The following TTLL4 variants were observed in gnomAD, a reference collection of about 807,000 sequenced individuals.
The protein encoded by TTLL4 is tubulin monoglutamylase TTLL4.
TTLL4 carries 85 observed loss-of-function variants against 122.7 expected under a neutral mutation model. The observed-to-expected ratio is 0.69, with a 90% CI of 0.58 to 0.83. TTLL4 has a LOEUF of 0.83. TTLL4 is among the 40% of genes least tolerant of loss of function. The pLI is 0.00. For synonymous variants in TTLL4, 553 were observed against 563.0 expected (o/e 0.98, Z 0.25); for missense variants, 1,363 against 1,488.6 (o/e 0.92, Z 1.39).
intron 2 of TTLL4, among the ~76,000 whole-genome samples, chr2:218,730,309 TCCAAAAAAAAAAAAAAAAAAAAAAAAAA>T (rs1297078462): frequency 1.3e-4 from 10 of 76,510 alleles, no homozygotes; most frequent in Non-Finnish European, 2.3e-4. Flanking sequence ...TTACTAAAAA[TCCAAAAAAAAAAAAAAAAAAAAAAAAAA>T]AAAAAAAAAA....
chr2:218,742,150 G>A (rs958548136), intron 5 of TTLL4, among the ~76,000 whole-genome samples: 7 of 152,036 alleles, frequency 4.6e-5, no homozygotes, highest in African/African-American at 1.7e-4. Flanking sequence ...TTTTTGTAGA[G>A]TTGTGGGGGA....
At chr2:218,744,625 CTG>C in intron 5 of TTLL4, among the ~76,000 whole-genome samples, 1 of 152,290 alleles carries the variant, frequency 6.6e-6, no homozygotes, top group African/African-American at 2.4e-5. Flanking sequence ...GGAAGTATCA[CTG>C]TTTCTTTTCT....
chr2:218,720,017 T>G (rs1941986582), intron 1 of TTLL4, among the ~76,000 whole-genome samples: 1 of 152,036 alleles, frequency 6.6e-6, no homozygotes, highest in African/African-American at 2.4e-5. Context: ...GGAAATAAAG[T>G]AAAGGAAAAA....
intron 1 of TTLL4, among the ~76,000 whole-genome samples, chr2:218,712,629 C>T (rs2106379923): frequency 6.6e-6 from 1 of 152,222 alleles, no homozygotes; most frequent in East Asian, 1.9e-4. Flanking sequence ...CCTCGTGATT[C>T]ACCCGCCTCG....
Position 218,751,746 on chromosome 2 carries a change from G to T in TTLL4, c.2916G>T (p.Glu972Asp). ...GGGACAAATGTCGAATGGCTCCAGA[G>T]CATGTCACTGCACAGAAGATGAAGA... ...SPGDKCRMAP[E>D]HVTAQKMKKA... Residue 972 changes from glutamate to aspartate, a missense_variant, in exon 16 of 20, where the codon GAG becomes GAT. By Grantham distance (45) the Glu-to-Asp change is conservative. Coordinates refer to ENST00000392102, the MANE Select transcript of TTLL4 (RefSeq NM_014640.5). 1 of 1,613,746 alleles carries T rather than the reference G, an allele frequency of 6.2e-7. No homozygotes were observed. Among genetic ancestry groups the T allele is most frequent in the Non-Finnish European group, 8.5e-7 (1 of 1,179,760 alleles).
intron 1 of TTLL4, among the ~76,000 whole-genome samples, chr2:218,716,357 A>G (rs556729444): frequency 6.6e-6 from 1 of 152,362 alleles, no homozygotes; most frequent in South Asian, 2.1e-4. Context: ...CCTGCAATTC[A>G]GACAATCACA....
At chr2:218,717,609 C>T (rs1427934826) in intron 1 of TTLL4, among the ~76,000 whole-genome samples, 4 of 152,178 alleles carry the variant, frequency 2.6e-5, no homozygotes, top group Admixed American at 1.3e-4. Flanking sequence ...CTAATCTTGA[C>T]TTATACGGAC....
At chr2:218,721,034 T>TCCCGGTAA (rs1436131035) in intron 1 of TTLL4, among the ~76,000 whole-genome samples, 2 of 152,206 alleles carry the variant, frequency 1.3e-5, no homozygotes, top group Non-Finnish European at 2.9e-5. Context: ...TACCTGGCAC[T>TCCCGGTAA]CCCGGTAACA....
At chr2:218,742,652 G>T (rs1474385938) in intron 5 of TTLL4, among the ~76,000 whole-genome samples, 1 of 152,088 alleles carries the variant, frequency 6.6e-6, no homozygotes, top group African/African-American at 2.4e-5. Flanking sequence ...AGGGTTTTTT[G>T]TTTGTTTTTT....
chr2:218,722,930 C>A (rs192089303), intron 1 of TTLL4, among the ~76,000 whole-genome samples: 15 of 152,308 alleles, frequency 9.8e-5, no homozygotes, highest in African/African-American at 2.9e-4. Context: ...ACAGGCATGT[C>A]GGGAGTTTCT....
In TTLL4 at chr2:218,747,847, A is replaced by G; in HGVS notation, c.2378+122A>G. 7.2e-7 allele frequency: 1 copy of G among 1,398,150 alleles called. No individual in the cohort carries two copies. Among genetic ancestry groups the G allele is most frequent in the Non-Finnish European group, 9.8e-7 (1 of 1,023,424 alleles). The allele number at this position is 1,398,150 out of a possible 1,614,324, so 86.6% of individuals were successfully genotyped here. On this transcript the variant is annotated intron_variant, in intron 11 of 19. Coordinates refer to ENST00000392102, the MANE Select transcript of TTLL4 (RefSeq NM_014640.5). The surrounding 1 kb of genome is among the most constrained non-coding windows in gnomAD (Gnocchi z 4.7). The stretch of plus-strand genomic sequence containing the variant: ...TTGTTAGCAAGGGGAAAGGCAGGAA[A>G]TGGGAAATATGGAGGCTCTCTACTT...
intron 5 of TTLL4, 35 bp from the exon 6 acceptor site, chr2:218,745,074 C>G (rs1244767907): frequency 1.2e-6 from 2 of 1,609,914 alleles, no homozygotes; most frequent in Non-Finnish European, 8.5e-7. Context: ...GTTGCTTTTT[C>G]CCTTTCTCTA....
In TTLL4 at chr2:218,746,180, G is replaced by T. The variant is rs770916214; in HGVS notation, c.1923G>T (p.Trp641Cys). ...SKRNDDWLGC[W>C]GHHMKSPSFR... ...GAAACGATGACTGGCTGGGCTGCTGGGGTCACCACATGAAGTCTCCTAGTT... is the reference window on the plus strand; with the variant it reads ...GAAACGATGACTGGCTGGGCTGCTGTGGTCACCACATGAAGTCTCCTAGTT... Residue 641 changes from tryptophan (W) to cysteine (C), a missense_variant, in exon 8 of 20, where the codon TGG (tryptophan) becomes TGT (cysteine). This residue lies in a region of TTLL4 where 760 missense variants were observed against 808.4 expected (regional missense o/e 0.94). Coordinates refer to ENST00000392102, the MANE Select transcript of TTLL4 (RefSeq NM_014640.5). 1.2e-6 allele frequency: 2 copies of T among 1,614,126 alleles called. No individual in the cohort carries two copies. The highest frequency in any genetic ancestry group is 8.5e-7 in the Non-Finnish European group (1 of 1,180,026).
chr2:218,724,072 T>G (rs550739532), intron 1 of TTLL4, among the ~76,000 whole-genome samples: 1 of 152,278 alleles, frequency 6.6e-6, no homozygotes, highest in South Asian at 2.1e-4. Flanking sequence ...GCTCAAACAT[T>G]TCAAAAACCA....
At position 218,752,773 on chromosome 2, in the gene TTLL4, C is replaced by T; in HGVS notation, c.2987C>T (p.Ala996Val). ...TQKIPDQDFY[A>V]SVLDVLTPDD... ...TTCCTTGGACCACAGGACTTCTATG[C>T]ATCTGTGCTGGATGTCCTGACACCA... The change falls in exon 17 of 20, where the codon GCA becomes GTA. Residue 996 changes from alanine (A) to valine (V), a missense_variant. Around this residue, in one of 3 missense-constraint regions of TTLL4, gnomAD observed 596 missense variants for 655.8 expected, o/e 0.91. Coordinates refer to ENST00000392102, the MANE Select transcript of TTLL4 (RefSeq NM_014640.5). 6.2e-7 allele frequency: 1 copy of T among 1,614,188 alleles called. No individual in the cohort carries two copies. The highest frequency in any genetic ancestry group is 8.5e-7 in the Non-Finnish European group (1 of 1,180,032).
At chr2:218,715,280 AG>A (rs1436508383) in intron 1 of TTLL4, among the ~76,000 whole-genome samples, 1 of 152,252 alleles carries the variant, frequency 6.6e-6, no homozygotes, top group Non-Finnish European at 1.5e-5. Flanking sequence ...GTATTTCAGT[AG>A]TCTTCTCAGA....
At chr2:218,727,759 C>CA (rs1241566314) in intron 2 of TTLL4, among the ~76,000 whole-genome samples, 3 of 152,088 alleles carry the variant, frequency 2.0e-5, no homozygotes, top group African/African-American at 7.2e-5. Context: ...AAAAAACAAA[C>CA]AAAAAAACCC....
intron 8 of TTLL4, 94 bp from the exon 9 acceptor site, chr2:218,746,909 G>A (rs1942858250): frequency 2.1e-6 from 3 of 1,396,650 alleles, no homozygotes; most frequent in Non-Finnish European, 2.9e-6. Context: ...TTGGAGTGCT[G>A]CTAAAGAAGT....
intron 1 of TTLL4, among the ~76,000 whole-genome samples, chr2:218,723,184 C>T (rs1016853091): frequency 1.3e-5 from 2 of 152,194 alleles, no homozygotes; most frequent in East Asian, 1.9e-4. Flanking sequence ...TTTTGAATAA[C>T]AGTGGTTATA....
Sources: allele counts gnomAD v4.1 joint callset (sites outside exome capture counted in the v4.1 genomes callset), GRCh38; gene constraint gnomAD v4.1.1; regional missense constraint gnomAD v4.1.1; non-coding constraint Gnocchi (gnomAD v3.1); transcripts MANE v1.5; gene names NCBI Gene and HGNC (gene_info 2026-07-23, HGNC 2026-07-21).